NAV3: variants seen among roughly 807,000 people sequenced by gnomAD.
The protein encoded by NAV3 is pore membrane and/or filament interacting like protein 1.
Under a neutral mutation model 244.7 loss-of-function variants are expected in NAV3, and 87 were observed. That is an observed-to-expected ratio of 0.36 (90% confidence interval 0.30 to 0.42). The LOEUF (loss-of-function observed/expected upper bound fraction) is 0.42. Among genes scored for constraint, NAV3 ranks in the 20% least tolerant of loss-of-function variants. The pLI, the probability that NAV3 is intolerant of heterozygous loss-of-function variation, is 1.00. For synonymous variants in NAV3, 1,126 were observed against 1,042.2 expected, an observed-to-expected ratio of 1.08 and a Z score of -1.55; for missense variants, 2,663 against 2,893.3, an observed-to-expected ratio of 0.92 and a Z score of 1.83.
rs1395408755 is a variant in NAV3 at position 78,190,002 on chromosome 12, T to C, written c.6074T>C (p.Leu2025Ser). Residue 2025 changes from leucine to serine, a missense_variant, in exon 34 of 40, where the codon TTG becomes TCG. Coordinates refer to ENST00000397909, the MANE Select transcript of NAV3 (RefSeq NM_001024383.2). ...VNLKGVEENS[L>S]DSFVFDTLIP... ...CTTTCAGGGGTAGAAGAAAATAGTT[T>C]GGACAGTTTTGTTTTTGATACGCTG... The C allele has an allele frequency of 6.2e-7, 1 of 1,612,618 alleles. No homozygotes were observed. The highest frequency in any genetic ancestry group is 8.5e-7 in the Non-Finnish European group (1 of 1,179,200).
At chr12:78,154,681 C>T (rs1375678037) in intron 22 of NAV3, among the ~76,000 whole-genome samples, 3 of 151,712 alleles carry the variant, frequency 2.0e-5, no homozygotes, top group Non-Finnish European at 4.4e-5. Context: ...CATATTAATA[C>T]AATTTTACTC....
chr12:78,010,233 G>A (rs1054513697), intron 8 of NAV3, among the ~76,000 whole-genome samples: 1 of 152,050 alleles, frequency 6.6e-6, no homozygotes, highest in Non-Finnish European at 1.5e-5. Context: ...TGTTTATAGA[G>A]TCATGACATT....
intron 39 of NAV3, among the ~76,000 whole-genome samples, chr12:78,208,239 G>T (rs906002952): frequency 6.6e-6 from 1 of 151,994 alleles, no homozygotes; most frequent in African/African-American, 2.4e-5. Context: ...ACCTGCTCTC[G>T]CACATGAACT....
At chr12:77,627,431 A>G (rs886671450) in intron 2 of NAV3, among the ~76,000 whole-genome samples, 6 of 152,206 alleles carry the variant, frequency 3.9e-5, no homozygotes, top group African/African-American at 1.2e-4. Context: ...AGGACGTATT[A>G]CAATTGATAG....
intron 1 of NAV3, among the ~76,000 whole-genome samples, chr12:77,858,660 T>C (rs1265201989): frequency 1.3e-5 from 2 of 152,084 alleles, no homozygotes; most frequent in African/African-American, 2.4e-5. Context: ...CATTTTAGTC[T>C]GACCACTTTT....
At chr12:77,647,090 A>T (rs949698236) in intron 2 of NAV3, among the ~76,000 whole-genome samples, 1 of 151,066 alleles carries the variant, frequency 6.6e-6, no homozygotes, top group Non-Finnish European at 1.5e-5. Context: ...ACACACACGT[A>T]TATGTACCTT....
chr12:77,978,482 T>C (rs1036779887), intron 5 of NAV3, among the ~76,000 whole-genome samples: 2 of 152,140 alleles, frequency 1.3e-5, no homozygotes, highest in Non-Finnish European at 2.9e-5. Flanking sequence ...TATATGTAAT[T>C]ATTTCATTTG....
At chr12:77,780,313 C>T (rs1592677042) in intron 2 of NAV3, among the ~76,000 whole-genome samples, 2 of 152,198 alleles carry the variant, frequency 1.3e-5, no homozygotes, top group Non-Finnish European at 1.5e-5. Context: ...CATTGTATTT[C>T]CCCCTATTGA....
chr12:77,999,847 C>CA, intron 7 of NAV3, among the ~76,000 whole-genome samples: 1 of 151,562 alleles, frequency 6.6e-6, no homozygotes, highest in Admixed American at 6.6e-5. Flanking sequence ...TATACAAGTT[C>CA]AGGCTAATAC....
At chr12:78,191,829 C>T (rs1490463115) in intron 34 of NAV3, among the ~76,000 whole-genome samples, 1 of 152,076 alleles carries the variant, frequency 6.6e-6, no homozygotes, top group Non-Finnish European at 1.5e-5. Flanking sequence ...CTTAGTCATC[C>T]TCAATGTTTG....
intron 8 of NAV3, among the ~76,000 whole-genome samples, chr12:78,018,780 C>T (rs558741386): frequency 1.4e-3 from 212 of 152,296 alleles, no homozygotes; most frequent in Middle Eastern, 3.4e-3. Flanking sequence ...ACATACTCTC[C>T]ATTTAAACTT....
intron 1 of NAV3, among the ~76,000 whole-genome samples, chr12:77,893,271 A>G (rs1385897598): frequency 6.6e-6 from 1 of 152,170 alleles, no homozygotes; most frequent in Non-Finnish European, 1.5e-5. Flanking sequence ...CTAATCACAA[A>G]GTTTATAGAG....
chr12:78,067,901 T>C (rs1040362248), intron 12 of NAV3, among the ~76,000 whole-genome samples: 2 of 151,932 alleles, frequency 1.3e-5, no homozygotes, highest in Non-Finnish European at 2.9e-5. Context: ...CTGCTTATAA[T>C]AGAATTTACT....
chr12:77,842,550 G>A (rs960997065), intron 1 of NAV3, among the ~76,000 whole-genome samples: 13 of 150,716 alleles, frequency 8.6e-5, no homozygotes, highest in Non-Finnish European at 1.8e-4. Flanking sequence ...CAAGAAGGAG[G>A]CATTGGCGGG....
At chr12:77,730,483 G>C (rs1877070118) in intron 2 of NAV3, among the ~76,000 whole-genome samples, 1 of 151,810 alleles carries the variant, frequency 6.6e-6, no homozygotes, top group Non-Finnish European at 1.5e-5. Flanking sequence ...ATCATAATAG[G>C]TAAGAAAATT....
At chr12:77,714,782 A>C (rs1438589566) in intron 2 of NAV3, among the ~76,000 whole-genome samples, 1 of 152,116 alleles carries the variant, frequency 6.6e-6, no homozygotes, top group African/African-American at 2.4e-5. Flanking sequence ...TATTCCTTTT[A>C]TACAGTATCT....
intron 3 of NAV3, among the ~76,000 whole-genome samples, chr12:77,951,655 A>G (rs1021074975): frequency 6.6e-6 from 1 of 152,136 alleles, no homozygotes; most frequent in African/African-American, 2.4e-5. Context: ...AATAGCAAAG[A>G]CTTGGAACCA....
At chr12:77,825,605 A>G (rs1592715779) in intron 2 of NAV3, among the ~76,000 whole-genome samples, 1 of 152,186 alleles carries the variant, frequency 6.6e-6, no homozygotes, top group East Asian at 1.9e-4. Flanking sequence ...AGATACAGAT[A>G]AAGTTGAAAG....
intron 23 of NAV3, among the ~76,000 whole-genome samples, chr12:78,164,598 T>C: frequency 6.6e-6 from 1 of 152,060 alleles, no homozygotes; most frequent in East Asian, 1.9e-4. Flanking sequence ...CATAGAATAA[T>C]GTGAATCTAA....
Sources: allele counts gnomAD v4.1 joint callset (sites outside exome capture counted in the v4.1 genomes callset), GRCh38; gene constraint gnomAD v4.1.1; transcripts MANE v1.5; gene names NCBI Gene and HGNC (gene_info 2026-07-23, HGNC 2026-07-21).